The following EPHA3 variants were observed in gnomAD, a reference collection of about 807,000 sequenced individuals.
The protein encoded by EPHA3 is ephrin type-A receptor 3.
Under a neutral mutation model 107.1 loss-of-function variants are expected in EPHA3, and 42 were observed. The ratio of observed to expected loss-of-function variants is 0.39; its 90% CI spans 0.31 to 0.51. The LOEUF is 0.51. Ranked by LOEUF, EPHA3 falls within the 20% of genes least tolerant of loss-of-function variation. EPHA3 has a pLI of 0.78. For synonymous variants in EPHA3, 461 were observed against 424.8 expected (o/e 1.09, Z -1.05); for missense variants, 1,183 against 1,211.2 (o/e 0.98, Z 0.35).
At chr3:89,447,756 G>T (rs796468243) in intron 13 of EPHA3, among the ~76,000 whole-genome samples, 1 of 152,022 alleles carries the variant, frequency 6.6e-6, no homozygotes, top group Non-Finnish European at 1.5e-5. Context: ...GAAATTTGTC[G>T]TTTAGTCCCA....
intron 3 of EPHA3, among the ~76,000 whole-genome samples, chr3:89,243,181 T>C (rs913745648): frequency 1.3e-5 from 2 of 152,104 alleles, no homozygotes; most frequent in African/African-American, 4.8e-5. Context: ...TGGTTCCAAG[T>C]CTTTGCTATT....
chr3:89,235,104 T>A (rs1003240036), intron 3 of EPHA3, among the ~76,000 whole-genome samples: 1 of 150,116 alleles, frequency 6.7e-6, no homozygotes, highest in Non-Finnish European at 1.5e-5. Flanking sequence ...GTAGTTTTAG[T>A]AGAGATGGGG....
intron 6 of EPHA3, among the ~76,000 whole-genome samples, chr3:89,397,971 G>T (rs879586188): frequency 6.6e-6 from 1 of 152,008 alleles, no homozygotes; most frequent in Non-Finnish European, 1.5e-5. Flanking sequence ...ATACATACCT[G>T]TAATATTATT....
chr3:89,408,002 T>C, intron 8 of EPHA3, 65 bp from the exon 9 acceptor site: 2 of 1,434,446 alleles, frequency 1.4e-6, no homozygotes, highest in African/African-American at 1.4e-5. Context: ...TTGCACATTC[T>C]GAGCATAGGT....
At chr3:89,236,144 T>C (rs1051318735) in intron 3 of EPHA3, among the ~76,000 whole-genome samples, 6 of 152,120 alleles carry the variant, frequency 3.9e-5, no homozygotes, top group Non-Finnish European at 7.4e-5. Context: ...TAATATAAAT[T>C]GTAGGAATAT....
intron 2 of EPHA3, among the ~76,000 whole-genome samples, chr3:89,149,467 T>C (rs1704641780): frequency 2.0e-5 from 3 of 151,996 alleles, no homozygotes; most frequent in Admixed American, 2.0e-4. Context: ...CTGCCCACAT[T>C]AAATGCATAG....
chr3:89,110,604 A>C (rs747286796), intron 1 of EPHA3, among the ~76,000 whole-genome samples: 1 of 151,994 alleles, frequency 6.6e-6, no homozygotes, highest in South Asian at 2.1e-4. Flanking sequence ...ACAGAACTTT[A>C]TAAAAACTTT....
At chr3:89,187,779 C>T (rs567202230) in intron 2 of EPHA3, among the ~76,000 whole-genome samples, 2 of 152,180 alleles carry the variant, frequency 1.3e-5, no homozygotes, top group Admixed American at 1.3e-4. Flanking sequence ...AAACACTTAT[C>T]TGAGATAATT....
chr3:89,479,992 C>CT lies in EPHA3; in HGVS notation c.*492dup, dbSNP rs1710592738. On this transcript the variant is annotated 3_prime_UTR_variant, in exon 17 of 17. Coordinates refer to ENST00000336596, the MANE Select transcript of EPHA3 (RefSeq NM_005233.6). ...CAAACTATCTGGCCATATTTACTAC[C>CT]TTATCACTGCATTATTCTCTTTTAT... The CT allele has an allele frequency of 8.5e-6, 2 of 234,612 alleles. No individual in the cohort carries two copies. The highest frequency in any genetic ancestry group is 5.5e-5 in the Admixed American group (1 of 18,028). 14.5% of individuals were successfully genotyped at this position (234,612 alleles called of 1,614,324 possible).
At chr3:89,203,718 A>G (rs2107167421) in intron 2 of EPHA3, among the ~76,000 whole-genome samples, 1 of 152,272 alleles carries the variant, frequency 6.6e-6, no homozygotes, top group South Asian at 2.1e-4. Context: ...CGCAGCTTGC[A>G]GTGAGCCGAG....
intron 2 of EPHA3, among the ~76,000 whole-genome samples, chr3:89,184,474 C>T (rs925287459): frequency 6.6e-6 from 1 of 152,004 alleles, no homozygotes. Flanking sequence ...TTTAGATATG[C>T]CATAAGTGAT....
chr3:89,245,631 C>T (rs564878684), intron 3 of EPHA3, among the ~76,000 whole-genome samples: 1 of 152,246 alleles, frequency 6.6e-6, no homozygotes, highest in East Asian at 1.9e-4. Context: ...GTGAAAAATC[C>T]TACTGCAATG....
chr3:89,400,088 C>G, intron 7 of EPHA3: 1 of 1,015,726 alleles, frequency 9.8e-7, no homozygotes, highest in South Asian at 4.7e-5. Flanking sequence ...TAAAAAAGCC[C>G]TTTGCTAAAA....
At chr3:89,115,769 TGG>T (rs1707240447) in intron 1 of EPHA3, among the ~76,000 whole-genome samples, 1 of 152,034 alleles carries the variant, frequency 6.6e-6, no homozygotes, top group Non-Finnish European at 1.5e-5. Flanking sequence ...ACTGAGAAAA[TGG>T]ATCATAATAA....
intron 7 of EPHA3, among the ~76,000 whole-genome samples, chr3:89,403,563 C>A (rs146096082): frequency 3.9e-5 from 6 of 152,196 alleles, no homozygotes; most frequent in African/African-American, 1.4e-4. Context: ...ATTTTCCTAG[C>A]ATGAAGGTAG....
chr3:89,268,719 T>C (rs1705593714), intron 3 of EPHA3, among the ~76,000 whole-genome samples: 1 of 152,072 alleles, frequency 6.6e-6, no homozygotes, highest in Non-Finnish European at 1.5e-5. Context: ...TATAGCACTT[T>C]AGCTATAGCA....
At chr3:89,161,751 A>G (rs2107072431) in intron 2 of EPHA3, among the ~76,000 whole-genome samples, 1 of 152,104 alleles carries the variant, frequency 6.6e-6, no homozygotes, top group Admixed American at 6.6e-5. Flanking sequence ...GCCAAGGTGG[A>G]TGAGTTGTTT....
intron 5 of EPHA3, among the ~76,000 whole-genome samples, chr3:89,374,267 C>T (rs1419333346): frequency 4.6e-5 from 7 of 151,964 alleles, no homozygotes; most frequent in African/African-American, 1.4e-4. Context: ...TAAATGGGTC[C>T]TTGCCATGTA....
intron 5 of EPHA3, among the ~76,000 whole-genome samples, chr3:89,379,464 G>C (rs987422748): frequency 1.5e-4 from 23 of 152,124 alleles, no homozygotes; most frequent in Admixed American, 1.3e-3. Flanking sequence ...ATCTCTTTTT[G>C]TAGTACTTAA....
Sources: allele counts gnomAD v4.1 joint callset (sites outside exome capture counted in the v4.1 genomes callset), GRCh38; gene constraint gnomAD v4.1.1; transcripts MANE v1.5; gene names NCBI Gene and HGNC (gene_info 2026-07-23, HGNC 2026-07-21).